The following PPP3CA variants were observed in gnomAD, a reference collection of about 807,000 sequenced individuals.
PPP3CA encodes protein phosphatase 3 catalytic subunit alpha, also known as CAM-PRP catalytic subunit.
A neutral mutation model predicts 66.5 loss-of-function variants in PPP3CA; 14 were observed. The ratio of observed to expected loss-of-function variants is 0.21; its 90% CI spans 0.14 to 0.33. The LOEUF is 0.33. PPP3CA is among the 10% of genes least tolerant of loss of function. The pLI is 1.00. For missense variants in PPP3CA, 317 were observed against 639.5 expected (o/e 0.50, Z 5.44); for synonymous variants, 232 against 226.2 (o/e 1.03, Z -0.23).
intron 3 of PPP3CA, among the ~76,000 whole-genome samples, chr4:101,106,210 A>G (rs1340753483): frequency 6.6e-6 from 1 of 151,338 alleles, no homozygotes; most frequent in East Asian, 2.0e-4. Context: ...AGTCCCAGCT[A>G]CTTGGGAGGC....
At chr4:101,333,042 T>C (rs1729439801) in intron 1 of PPP3CA, among the ~76,000 whole-genome samples, 1 of 152,134 alleles carries the variant, frequency 6.6e-6, no homozygotes, top group African/African-American at 2.4e-5. Context: ...CTATCTCATA[T>C]ACCCTGCTCA....
intron 10 of PPP3CA, among the ~76,000 whole-genome samples, chr4:101,058,629 T>G (rs544686296): frequency 6.6e-6 from 1 of 152,252 alleles, no homozygotes; most frequent in African/African-American, 2.4e-5. Context: ...TAAAAAGCAA[T>G]TGGTGGTGAG....
At chr4:101,338,271 AT>A (rs147936196) in intron 1 of PPP3CA, among the ~76,000 whole-genome samples, 304 of 152,336 alleles carry the variant, frequency 2.0e-3, no homozygotes, top group Non-Finnish European at 3.5e-3. Flanking sequence ...AATCCATATA[AT>A]GCCAGTTAAT....
intron 1 of PPP3CA, among the ~76,000 whole-genome samples, chr4:101,269,614 G>A (rs1276095567): frequency 2.1e-5 from 3 of 145,748 alleles, no homozygotes; most frequent in Non-Finnish European, 4.5e-5. Context: ...TAACTGCTAT[G>A]TATCCCCAGA....
intron 1 of PPP3CA, among the ~76,000 whole-genome samples, chr4:101,227,352 T>A (rs886181205): frequency 3.3e-5 from 5 of 151,780 alleles, no homozygotes; most frequent in African/African-American, 1.2e-4. Context: ...TTTTATATAC[T>A]AAATTATGTA....
chr4:101,237,473 C>T (rs1726165542), intron 1 of PPP3CA, among the ~76,000 whole-genome samples: 1 of 152,106 alleles, frequency 6.6e-6, no homozygotes, highest in African/African-American at 2.4e-5. Flanking sequence ...AGAAGGCAAA[C>T]CAGTAACAAA....
chr4:101,170,830 CTCT>C (rs1256269428), intron 2 of PPP3CA, among the ~76,000 whole-genome samples: 2 of 152,130 alleles, frequency 1.3e-5, no homozygotes, highest in Non-Finnish European at 2.9e-5. Context: ...TTTATTTAAA[CTCT>C]TATTTATTGA....
Position 101,025,094 on chromosome 4 carries a change from T to C in PPP3CA, c.*771A>G, listed in dbSNP as rs1299156805. The C allele has an allele frequency of 6.6e-6, 1 of 152,020 alleles. No individual in the cohort carries two copies. The highest frequency in any genetic ancestry group is 2.4e-5 in the African/African-American group (1 of 41,354). The allele number at this position is 152,020 out of a possible 1,614,324, so 9.4% of individuals were successfully genotyped here. ...TTTTATCAACAAAAACCCCTAAATA[T>C]AAACGGCAAAAAAGATAGATATAAT... is the stretch of plus-strand genomic sequence containing the variant. On this transcript the variant is annotated 3_prime_UTR_variant, in exon 14 of 14. Transcript: ENST00000394854.
In PPP3CA at chr4:101,317,961, G is replaced by A. The variant is rs187694932; in HGVS notation, c.58+28778C>T. Among the ~76,000 whole-genome samples, 232 of 152,198 alleles carry A rather than the reference G, an allele frequency of 1.5e-3. 5 individuals carry two copies. The highest frequency in any genetic ancestry group is 0.011 in the Admixed American group (167 of 15,286). ...CTCGGTATTTAAAAAATTATTATGT[G>A]AAAAGTAGGTTGAGATAGTACCAGA... is the stretch of plus-strand genomic sequence containing the variant. On this transcript the variant is annotated intron_variant, in intron 1 of 13. Coordinates refer to ENST00000394854, the MANE Select transcript of PPP3CA (RefSeq NM_000944.5).
chr4:101,052,475 G>A (rs1728053309), intron 10 of PPP3CA, among the ~76,000 whole-genome samples: 1 of 151,748 alleles, frequency 6.6e-6, no homozygotes, highest in Admixed American at 6.6e-5. Context: ...GGTATATTCT[G>A]TACTTTATAA....
In PPP3CA at chr4:101,250,411, G is replaced by T. The variant is rs1000379160; in HGVS notation, c.59-54295C>A. ...CATAATAATGAGTATTTCATATGTTGCCATAAGAATATATTTAATAGATTA... is the reference window on the plus strand; with the variant it reads ...CATAATAATGAGTATTTCATATGTTTCCATAAGAATATATTTAATAGATTA... On this transcript the variant is annotated intron_variant, in intron 1 of 13. Transcript: ENST00000394854. 28 of 452,472 alleles carry T rather than the reference G, an allele frequency of 6.2e-5. No individual in the cohort carries two copies. In the Admixed American group the frequency reaches 6.2e-4, roughly 10 times the overall value. The allele number at this position is 452,472 out of a possible 1,614,324, so 28.0% of individuals were successfully genotyped here.
At chr4:101,032,481 T>C in intron 11 of PPP3CA, 117 bp from the exon 12 acceptor site, 1 of 790,210 alleles carries the variant, frequency 1.3e-6, no homozygotes, top group Admixed American at 2.7e-5. Flanking sequence ...ATCTTGGCTC[T>C]CCGGATCTTT....
intron 1 of PPP3CA, among the ~76,000 whole-genome samples, chr4:101,268,085 T>C (rs1727224202): frequency 6.6e-6 from 1 of 151,942 alleles, no homozygotes. Flanking sequence ...AGCAGGAGGA[T>C]TACTTGAGTC....
At chr4:101,278,196 A>C (rs937710024) in intron 1 of PPP3CA, among the ~76,000 whole-genome samples, 11 of 151,762 alleles carry the variant, frequency 7.2e-5, no homozygotes, top group African/African-American at 2.7e-4. Context: ...TTATGAAATA[A>C]ATTTAACACT....
intron 1 of PPP3CA, among the ~76,000 whole-genome samples, chr4:101,331,770 A>C (rs1003603882): frequency 3.3e-5 from 5 of 152,192 alleles, no homozygotes; most frequent in African/African-American, 1.2e-4. Context: ...AGCTCCCAAA[A>C]ATTTATATTC....
intron 1 of PPP3CA, among the ~76,000 whole-genome samples, chr4:101,240,154 T>C (rs532659953): frequency 4.1e-4 from 63 of 152,126 alleles, no homozygotes; most frequent in Non-Finnish European, 6.6e-4. Context: ...ATACAGCAGA[T>C]GAACGCATTT....
intron 5 of PPP3CA, among the ~76,000 whole-genome samples, chr4:101,097,414 A>G (rs1578443071): frequency 1.3e-5 from 2 of 152,146 alleles, no homozygotes; most frequent in Non-Finnish European, 2.9e-5. Context: ...TCCTCCAGAA[A>G]AAATTTGGCT....
chr4:101,191,581 C>A (rs1377923575), intron 2 of PPP3CA, among the ~76,000 whole-genome samples: 5 of 152,062 alleles, frequency 3.3e-5, no homozygotes, highest in Non-Finnish European at 7.4e-5. Context: ...ATGCCCCAGA[C>A]AAAATATTTT....
intron 1 of PPP3CA, among the ~76,000 whole-genome samples, chr4:101,263,775 C>T (rs756324068): frequency 1.3e-5 from 2 of 152,086 alleles, no homozygotes; most frequent in African/African-American, 4.8e-5. Flanking sequence ...AAAAAATCCA[C>T]TTAACCACAT....
Sources: gnomAD v4.1 joint callset for allele counts (sites outside exome capture counted in the v4.1 genomes callset) on GRCh38, gnomAD v4.1.1 for gene constraint, MANE v1.5 for transcripts, NCBI Gene and HGNC (gene_info 2026-07-23, HGNC 2026-07-21) for gene names.